The following LILRA1 variants were observed in gnomAD, a reference collection of about 807,000 sequenced individuals.
The protein encoded by LILRA1 is leukocyte immunoglobulin like receptor A1, also known as leukocyte immunoglobulin-like receptor subfamily A member 1.
In LILRA1, 51 loss-of-function variants were observed where a neutral mutation model predicts 51.6. That is an observed-to-expected ratio of 0.99 (90% confidence interval 0.79 to 1.25). The LOEUF is 1.25. LILRA1 is among the 50% of genes most tolerant of loss of function. The pLI is 0.00. For missense variants in LILRA1, 660 were observed against 611.7 expected (o/e 1.08, Z -0.83); for synonymous variants, 305 against 248.4 (o/e 1.23, Z -2.14).
At chr19:54,593,873 A>T (rs1227220931) in intron 1 of LILRA1, 92 bp downstream of exon 1, 3 of 547,294 alleles carry the variant, frequency 5.5e-6, no homozygotes. Flanking sequence ...AGCCTCCGTT[A>T]CCCTCATCTG....
At chr19:54,597,831 T>C (rs559816276) in intron 7 of LILRA1, among the ~76,000 whole-genome samples, 1 of 150,530 alleles carries the variant, frequency 6.6e-6, no homozygotes, top group East Asian at 2.1e-4. Context: ...CAGAAATGAG[T>C]GATACACAAC....
chr19:54,596,056 GACA>G, intron 6 of LILRA1, 121 bp downstream of exon 6: 1 of 731,876 alleles, frequency 1.4e-6, no homozygotes, highest in Non-Finnish European at 2.1e-6. Flanking sequence ...GACAGACAGA[GACA>G]GGGGATGGGC....
rs1423982354 is a variant in LILRA1 at position 54,595,087 on chromosome 19, CCTT to C, written c.359-10_359-8del. 1.2e-6 allele frequency: 2 copies of C among 1,609,498 alleles called. No homozygotes were observed. Among genetic ancestry groups the C allele is most frequent in the South Asian group, 2.2e-5 (2 of 90,750 alleles). ...GTGAGCCCCATTTAACATGGTGCCT[CCTT>C]CTCTCCTAGGAGCCTACATCAAACC... On this transcript the variant is annotated splice_polypyrimidine_tract_variant and intron_variant, in intron 4 of 9. Transcript: ENST00000251372.
At chr19:54,600,391 A>G (rs1013026318) in intron 8 of LILRA1, 121 bp from the exon 9 acceptor site, 2 of 906,128 alleles carry the variant, frequency 2.2e-6, no homozygotes, top group South Asian at 1.6e-5. Context: ...ACCCTGCTAC[A>G]CAGGAAGGGT....
Position 54,593,695 on chromosome 19 carries a change from A to T in LILRA1, c.-135A>T. 4.1e-6 allele frequency: 2 copies of T among 492,078 alleles called. No homozygotes were observed. Among genetic ancestry groups the T allele is most frequent in the Non-Finnish European group, 7.7e-6 (2 of 260,140 alleles). The allele number at this position is 492,078 out of a possible 1,614,324, so 30.5% of individuals were successfully genotyped here. A position where few individuals can be genotyped will look rare whatever the true frequency, so the allele number is the denominator to read the frequency against. On this transcript the variant is annotated 5_prime_UTR_variant, in exon 1 of 10. An upstream start codon of the reference 5' UTR is lost. Coordinates refer to ENST00000251372, the MANE Select transcript of LILRA1 (RefSeq NM_006863.4). ...CCTGAGCTACACAGCCAGATGCGAG[A>T]TGCTTCTCTGCTGATCTGAGTCTGC... is the stretch of plus-strand genomic sequence containing the variant.
chr19:54,597,057 G>A (rs190751698), intron 7 of LILRA1, among the ~76,000 whole-genome samples: 142 of 152,326 alleles, frequency 9.3e-4, no homozygotes, highest in African/African-American at 3.3e-3. Context: ...AGTAGACTGA[G>A]GGTGAAAGAC....
In LILRA1 at chr19:54,595,661, C is replaced by T. The variant is rs1199134627; in HGVS notation, c.684C>T (p.Leu228=). ...LVLGVSKKPS[L]SVQPGPIVAP... is the part of the protein sequence containing the mutation. ...CAGGTGTTTCTAAGAAGCCATCACT[C>T]TCAGTGCAGCCAGGTCCTATAGTGG... The change falls in exon 6 of 10, where the codon CTC becomes CTT. Residue 228 remains leucine (L), a synonymous_variant. Transcript: ENST00000251372. 1 of 1,611,570 alleles carries T rather than the reference C, an allele frequency of 6.2e-7. No individual in the cohort carries two copies. Among genetic ancestry groups the T allele is most frequent in the Admixed American group, 1.7e-5 (1 of 59,822 alleles).
Position 54,595,357 on chromosome 19 carries a change from C to A in LILRA1, c.616C>A (p.His206Asn), listed in dbSNP as rs150400481. 4 of 1,525,680 alleles carry A rather than the reference C, an allele frequency of 2.6e-6. No individual in the cohort carries two copies. Among genetic ancestry groups the A allele is most frequent in the Non-Finnish European group, 2.6e-6 (3 of 1,132,664 alleles). 94.5% of individuals were successfully genotyped at this position (1,525,680 alleles called of 1,614,324 possible). A position where few individuals can be genotyped will look rare whatever the true frequency, so the allele number is the denominator to read the frequency against. ...CTATGCTTATGACTCGAACTCTCCC[C>A]ATGTGTGGTCTCTACCCAGTGATCT... is the stretch of plus-strand genomic sequence containing the variant. ...RCYAYDSNSP[H>N]VWSLPSDLLE... Residue 206 changes from histidine to asparagine, a missense_variant, in exon 5 of 10, where the codon CAT (histidine) becomes AAT (asparagine). Coordinates refer to ENST00000251372, the MANE Select transcript of LILRA1 (RefSeq NM_006863.4).
chr19:54,599,220 C>T lies in LILRA1; in HGVS notation c.1262-16C>T, dbSNP rs1180593665. ...TACCTCTGAATATGTCTCTTCTCCT[C>T]TGTTTTGATTCTCAGGAGCAGCTGA... On this transcript the variant is annotated splice_polypyrimidine_tract_variant and intron_variant, in intron 7 of 9. Coordinates refer to ENST00000251372, the MANE Select transcript of LILRA1 (RefSeq NM_006863.4). The T allele has an allele frequency of 1.3e-6, 2 of 1,558,122 alleles. No homozygotes were observed. Among genetic ancestry groups the T allele is most frequent in the South Asian group, 2.2e-5 (2 of 90,530 alleles).
chr19:54,598,391 C>A (rs998240499), intron 7 of LILRA1, among the ~76,000 whole-genome samples: 1 of 151,950 alleles, frequency 6.6e-6, no homozygotes, highest in African/African-American at 2.4e-5. Context: ...GTTTCCTTAA[C>A]GAACTTCAGA....
intron 6 of LILRA1, 36 bp downstream of exon 6, chr19:54,595,971 C>A (rs1339645684): frequency 6.2e-7 from 1 of 1,608,800 alleles, no homozygotes; most frequent in Non-Finnish European, 8.5e-7. Flanking sequence ...GGGACACAGG[C>A]TCCGCACAGG....
Position 54,600,844 on chromosome 19 carries a change from GAGA to G in LILRA1, c.*32_*34del, listed in dbSNP as rs1456098285. On this transcript the variant is annotated 3_prime_UTR_variant, in exon 10 of 10. Transcript: ENST00000251372. ...ATGCAGCCGGGAGGTGAACAGCAGA[GAGA>G]AGAATGTACCCTTCAGAGTGGTGGA... 1.2e-6 allele frequency: 2 copies of G among 1,611,766 alleles called. No individual in the cohort carries two copies. Among genetic ancestry groups the G allele is most frequent in the Admixed American group, 3.3e-5 (2 of 60,022 alleles).
Position 54,594,948 on chromosome 19 carries a change from G to A in LILRA1, c.354G>A (p.Val118=). 1 of 1,613,878 alleles carries A rather than the reference G, an allele frequency of 6.2e-7. No homozygotes were observed. Among genetic ancestry groups the A allele is most frequent in the Non-Finnish European group, 8.5e-7 (1 of 1,179,864 alleles). The part of the protein sequence containing the change: ...SEPSDPLELV[V]TGAYIKPTLS... ...CCAGTGACCCCCTGGAGCTGGTGGT[G>A]ACAGGTGAGCTGACACTGAGGGCTC... The change falls in exon 4 of 10, where the codon GTG becomes GTA. Residue 118 remains valine, a synonymous_variant. Transcript: ENST00000251372.
rs2063151940 is a variant in LILRA1, at chr19:54,600,895, T to C, written c.*78T>C. On this transcript the variant is annotated 3_prime_UTR_variant, in exon 10 of 10. Transcript: ENST00000251372. ...GGAGCCTTGGGAACAGATCTGATGA[T>C]GCCAGGAGGTTCCGGGAGACAATTT... 8 of 1,528,230 alleles carry C rather than the reference T, an allele frequency of 5.2e-6. No homozygotes were observed. The highest frequency in any genetic ancestry group is 5.4e-6 in the Non-Finnish European group (6 of 1,102,022). 94.7% of individuals were successfully genotyped at this position (1,528,230 alleles called of 1,614,324 possible).
intron 5 of LILRA1, 60 bp downstream of exon 5, chr19:54,595,462 G>C: frequency 1.3e-6 from 2 of 1,560,742 alleles, no homozygotes; most frequent in Non-Finnish European, 1.7e-6. Context: ...CCAGGCAGGT[G>C]GGGAGCAGCC....
At position 54,599,217 on chromosome 19, in the gene LILRA1, C is replaced by T. The variant is rs2063121558; in HGVS notation, c.1262-19C>T. The T allele has an allele frequency of 1.9e-6, 3 of 1,553,882 alleles. No homozygotes were observed. Among genetic ancestry groups the T allele is most frequent in the African/African-American group, 2.7e-5 (2 of 73,074 alleles). On this transcript the variant is annotated intron_variant, in intron 7 of 9. Coordinates refer to ENST00000251372, the MANE Select transcript of LILRA1 (RefSeq NM_006863.4). The stretch of plus-strand genomic sequence containing the variant: ...AGTTACCTCTGAATATGTCTCTTCT[C>T]CTCTGTTTTGATTCTCAGGAGCAGC...
intron 4 of LILRA1, 71 bp downstream of exon 4, chr19:54,595,023 T>A: frequency 6.2e-7 from 1 of 1,602,600 alleles, no homozygotes; most frequent in South Asian, 1.1e-5. Context: ...CAGGGGCATC[T>A]CCCTCTCACA....
At chr19:54,594,319 G>A in intron 2 of LILRA1, 41 bp downstream of exon 2, 2 of 1,613,280 alleles carry the variant, frequency 1.2e-6, no homozygotes, top group Non-Finnish European at 1.7e-6. Context: ...ACCTAGGAGG[G>A]ACCTCACCCC....
At position 54,600,683 on chromosome 19, in the gene LILRA1, T is replaced by C. The variant is rs765650260; in HGVS notation, c.1352-16T>C. 1 of 1,613,786 alleles carries C rather than the reference T, an allele frequency of 6.2e-7. No homozygotes were observed. The highest frequency in any genetic ancestry group is 1.3e-5 in the African/African-American group (1 of 74,868). ...TCTGCCCTGACCTCTGTGACCTCTT[T>C]GCCCACCATCCCCAGCCTCACACCC... On this transcript the variant is annotated splice_polypyrimidine_tract_variant and intron_variant, in intron 9 of 9. Transcript: ENST00000251372.
Sources: allele counts gnomAD v4.1 joint callset (sites outside exome capture counted in the v4.1 genomes callset), GRCh38; gene constraint gnomAD v4.1.1; transcripts MANE v1.5; gene names NCBI Gene and HGNC (gene_info 2026-07-23, HGNC 2026-07-21).